The following RGPD2 variants were observed in gnomAD, a reference collection of about 807,000 sequenced individuals.
RGPD2 encodes the protein RANBP2-like and GRIP domain-containing protein 2.
In RGPD2, 2 loss-of-function variants were observed where a neutral mutation model predicts 36.0. That is an observed-to-expected ratio of 0.06 (90% CI 0.02 to 0.17). The LOEUF (loss-of-function observed/expected upper bound fraction) is 0.17. Among genes scored for constraint, RGPD2 ranks in the 10% least tolerant of loss-of-function variants. The pLI is 1.00. For missense variants in RGPD2, 40 were observed against 464.3 expected (o/e 0.09, Z 8.40); for synonymous variants, 19 against 163.8 (o/e 0.12, Z 6.75).
At chr2:87,988,305 C>CT in the RGPD2 span, among the ~76,000 whole-genome samples, 1 of 131,180 alleles carries the variant, frequency 7.6e-6, no homozygotes, top group Non-Finnish European at 1.6e-5. Flanking sequence ...TAAGATAATT[C>CT]TGATTGTATT....
the RGPD2 span, among the ~76,000 whole-genome samples, chr2:87,937,671 C>G: frequency 1.3e-5 from 2 of 151,924 alleles, no homozygotes; most frequent in Admixed American, 1.3e-4. Context: ...AAATTCCTCC[C>G]ATTAGTCCCC....
At chr2:87,824,767 GC>G (rs1686578253) in intron 1 of RGPD2, among the ~76,000 whole-genome samples, 3 of 72,124 alleles carry the variant, frequency 4.2e-5, no homozygotes, top group South Asian at 5.3e-4. Context: ...CGCCGCCGCC[GC>G]CCGGCCAGGC....
chr2:87,815,125 A>C (rs1250704687), intron 4 of RGPD2, among the ~76,000 whole-genome samples: 1 of 147,222 alleles, frequency 6.8e-6, no homozygotes, highest in African/African-American at 2.7e-5. Context: ...ATGAATCTAC[A>C]CATGATAAAA....
At chr2:87,860,612 TA>T in the RGPD2 span, among the ~76,000 whole-genome samples, 3 of 151,326 alleles carry the variant, frequency 2.0e-5, no homozygotes, top group Non-Finnish European at 3.0e-5. Context: ...CCCTCCAAAT[TA>T]GGGCAATTTT....
chr2:87,872,510 CT>C, the RGPD2 span, among the ~76,000 whole-genome samples: 733 of 149,700 alleles, frequency 4.9e-3, 4 homozygotes, highest in Middle Eastern at 0.017. Context: ...TTCTTCTATC[CT>C]TTTTTTTTCA....
the RGPD2 span, among the ~76,000 whole-genome samples, chr2:87,961,610 G>T: frequency 4.8e-5 from 7 of 146,324 alleles, no homozygotes; most frequent in African/African-American, 7.6e-5. Context: ...GCTGAGGCAC[G>T]AGAATCGCTT....
At chr2:87,857,197 T>G in the RGPD2 span, among the ~76,000 whole-genome samples, 6 of 152,238 alleles carry the variant, frequency 3.9e-5, no homozygotes, top group Non-Finnish European at 4.4e-5. Flanking sequence ...AAAATTTATT[T>G]TCATAGCATA....
chr2:87,966,503 T>G, the RGPD2 span, among the ~76,000 whole-genome samples: 1 of 150,536 alleles, frequency 6.6e-6, no homozygotes. Flanking sequence ...GAGCTTAACA[T>G]TCATATCCTG....
At chr2:87,838,262 C>CAAAA in the RGPD2 span, among the ~76,000 whole-genome samples, 2 of 95,206 alleles carry the variant, frequency 2.1e-5, no homozygotes, top group African/African-American at 3.9e-5. Context: ...AAACACACTG[C>CAAAA]AAAAAAGGAA....
the RGPD2 span, among the ~76,000 whole-genome samples, chr2:87,922,643 G>A: frequency 6.7e-6 from 1 of 148,444 alleles, no homozygotes; most frequent in South Asian, 2.2e-4. Flanking sequence ...TTTGACAGTG[G>A]AAGGACTGGG....
At chr2:87,918,404 TA>T in the RGPD2 span, among the ~76,000 whole-genome samples, 4 of 151,288 alleles carry the variant, frequency 2.6e-5, no homozygotes, top group Non-Finnish European at 2.9e-5. Context: ...GTTTACACAT[TA>T]AAAAAAGTAT....
the RGPD2 span, among the ~76,000 whole-genome samples, chr2:87,858,147 G>A: frequency 6.6e-5 from 10 of 152,236 alleles, no homozygotes; most frequent in East Asian, 1.9e-4. Context: ...GCATGGTGGT[G>A]CGTGCCTGTA....
upstream of RGPD2, among the ~76,000 whole-genome samples, chr2:87,830,191 G>T (rs1672443554): frequency 6.6e-5 from 10 of 152,160 alleles, no homozygotes; most frequent in South Asian, 2.1e-3. Flanking sequence ...CAAGAGGTAG[G>T]CTCCCACAGC....
chr2:87,929,125 A>T, the RGPD2 span, among the ~76,000 whole-genome samples: 1 of 151,908 alleles, frequency 6.6e-6, no homozygotes, highest in African/African-American at 2.4e-5. Flanking sequence ...ATCTTTGCCC[A>T]TGCCTATATC....
the RGPD2 span, among the ~76,000 whole-genome samples, chr2:87,858,223 A>G: frequency 6.6e-6 from 1 of 152,060 alleles, no homozygotes; most frequent in South Asian, 2.1e-4. Context: ...GGTTGCAGTG[A>G]GCCAAGATTG....
chr2:87,836,342 G>GA, the RGPD2 span, among the ~76,000 whole-genome samples: 4 of 146,442 alleles, frequency 2.7e-5, no homozygotes, highest in Admixed American at 6.9e-5. Context: ...AGGAAGGAAG[G>GA]AAAAAAAAGA....
chr2:87,941,167 T>A, the RGPD2 span, among the ~76,000 whole-genome samples: 1 of 150,706 alleles, frequency 6.6e-6, no homozygotes, highest in Non-Finnish European at 1.5e-5. Context: ...TGTAAAAAAA[T>A]AAAATTAGAT....
At chr2:87,840,624 A>T in the RGPD2 span, among the ~76,000 whole-genome samples, 1 of 151,850 alleles carries the variant, frequency 6.6e-6, no homozygotes, top group Non-Finnish European at 1.5e-5. Flanking sequence ...TAAAACTGTT[A>T]ATAAGATAAA....
the RGPD2 span, among the ~76,000 whole-genome samples, chr2:87,952,629 T>C: frequency 1.3e-5 from 2 of 151,984 alleles, no homozygotes; most frequent in South Asian, 4.2e-4. Flanking sequence ...AAGTGTGTAA[T>C]AAATGAATTA....
Sources: gnomAD v4.1 joint callset for allele counts (sites outside exome capture counted in the v4.1 genomes callset) on GRCh38, gnomAD v4.1.1 for gene constraint, MANE v1.5 for transcripts, NCBI Gene and HGNC (gene_info 2026-07-23, HGNC 2026-07-21) for gene names.